The following PDE11A variants were observed in gnomAD, a reference collection of about 807,000 sequenced individuals.
PDE11A encodes the protein phosphodiesterase 11A.
Under a neutral mutation model 100.5 loss-of-function variants are expected in PDE11A, and 100 were observed. The ratio of observed to expected loss-of-function variants is 1.00; its 90% CI spans 0.85 to 1.18. PDE11A has a LOEUF of 1.18. PDE11A is among the 50% of genes most tolerant of loss of function. The probability of loss-of-function intolerance (pLI) is 0.00; values close to 1 mark genes in which losing one functional copy is unlikely to be tolerated. For synonymous variants in PDE11A, 381 were observed against 420.8 expected (o/e 0.91, Z 1.16); for missense variants, 1,141 against 1,152.6 (o/e 0.99, Z 0.15).
intron 9 of PDE11A, among the ~76,000 whole-genome samples, chr2:177,769,860 C>T (rs2082287170): frequency 7.1e-6 from 1 of 141,266 alleles, no homozygotes. Flanking sequence ...TGCACTCCAG[C>T]CTGGGCGACA....
chr2:177,921,471 C>CAA (rs370144102), intron 2 of PDE11A, among the ~76,000 whole-genome samples: 5 of 98,444 alleles, frequency 5.1e-5, no homozygotes, highest in African/African-American at 1.8e-4. Context: ...CATCTAAAAG[C>CAA]AAAAAAAAAA....
At chr2:177,881,348 T>TATCC (rs1429997450) in intron 4 of PDE11A, among the ~76,000 whole-genome samples, 1 of 145,982 alleles carries the variant, frequency 6.9e-6, no homozygotes, top group East Asian at 2.0e-4. Flanking sequence ...TCTGTCTATC[T>TATCC]ATCTATCTAT....
chr2:177,890,179 C>T (rs1558993493), intron 4 of PDE11A, among the ~76,000 whole-genome samples: 1 of 152,140 alleles, frequency 6.6e-6, no homozygotes, highest in Non-Finnish European at 1.5e-5. Context: ...ATGAATTAGC[C>T]TTCAAATATC....
In PDE11A at chr2:177,938,111, G is replaced by A. The variant is rs150454210; in HGVS notation, c.1072-32924C>T. The stretch of plus-strand genomic sequence containing the variant: ...AATTAGGATAAAAGGAAGGATGTAG[G>A]AGTGAAAGGGAAGGTTGGAAGGGAG... On this transcript the variant is annotated intron_variant, in intron 2 of 19. Coordinates refer to ENST00000286063, the MANE Select transcript of PDE11A (RefSeq NM_016953.4). 3.7e-4 allele frequency among the ~76,000 whole-genome samples: 57 copies of A among 152,306 alleles called. 1 individual carries two copies. In the East Asian group the frequency reaches 0.01, roughly 28 times the overall value.
Position 178,072,491 on chromosome 2 carries a change from C to T in PDE11A, c.-54G>A. 6.2e-7 allele frequency: 1 copy of T among 1,607,002 alleles called. No individual in the cohort carries two copies. The highest frequency in any genetic ancestry group is 8.5e-7 in the Non-Finnish European group (1 of 1,179,186). Reference sequence around the variant, plus strand: ...ACACGTGAACCAAATGTTTTCCTGCCCCGAGGCCTCTAGCTGTTCCTGCAC... The same window carrying T: ...ACACGTGAACCAAATGTTTTCCTGCTCCGAGGCCTCTAGCTGTTCCTGCAC... On this transcript the variant is annotated 5_prime_UTR_variant, in exon 1 of 20. Transcript: ENST00000286063.
intron 2 of PDE11A, among the ~76,000 whole-genome samples, chr2:177,968,631 C>A (rs1344202503): frequency 6.6e-6 from 1 of 152,054 alleles, no homozygotes; most frequent in Non-Finnish European, 1.5e-5. Context: ...TAGGATGAAC[C>A]AATTTTTCCA....
rs147683413 is a variant in PDE11A, at chr2:178,001,818, G to C, written c.1071+12484C>G. Among the ~76,000 whole-genome samples, 781 of 152,262 alleles carry C rather than the reference G, an allele frequency of 5.1e-3. 3 individuals carry two copies. The highest frequency in any genetic ancestry group is 8.6e-3 in the Non-Finnish European group (587 of 68,024). On this transcript the variant is annotated intron_variant, in intron 2 of 19. Transcript: ENST00000286063. ...ATGAAGCTTACTGAATAGAGTATAT[G>C]AACCATTTGACCCAACTTGCCCACA... is the stretch of plus-strand genomic sequence containing the variant.
At chr2:177,928,778 G>A (rs977131352) in intron 2 of PDE11A, among the ~76,000 whole-genome samples, 3 of 151,988 alleles carry the variant, frequency 2.0e-5, no homozygotes, top group Admixed American at 6.5e-5. Context: ...TGGGAGGATC[G>A]CTTGGGTGTG....
intron 15 of PDE11A, chr2:177,683,326 C>T (rs7562940): frequency 0.12 from 17,882 of 152,368 alleles, 1,306 homozygotes; most frequent in Middle Eastern, 0.2. Flanking sequence ...CCCAATTACA[C>T]AGAAGGGCCC....
At chr2:178,051,564 A>G (rs1014223821) in intron 1 of PDE11A, among the ~76,000 whole-genome samples, 6 of 152,208 alleles carry the variant, frequency 3.9e-5, no homozygotes, top group African/African-American at 1.4e-4. Flanking sequence ...AGACTGGCAA[A>G]TTGGATAAAG....
intron 5 of PDE11A, among the ~76,000 whole-genome samples, chr2:177,845,241 G>A (rs1233871162): frequency 6.6e-6 from 1 of 151,892 alleles, no homozygotes; most frequent in Non-Finnish European, 1.5e-5. Context: ...AGATGGGGTG[G>A]CTGCCGGGCG....
At chr2:177,896,052 A>C (rs2084606710) in intron 4 of PDE11A, among the ~76,000 whole-genome samples, 1 of 152,210 alleles carries the variant, frequency 6.6e-6, no homozygotes, top group South Asian at 2.1e-4. Context: ...AGAAAAGAGA[A>C]GAAATGATGA....
intron 4 of PDE11A, among the ~76,000 whole-genome samples, chr2:177,877,458 T>A (rs897257795): frequency 2.6e-5 from 4 of 152,124 alleles, no homozygotes; most frequent in Admixed American, 6.5e-5. Context: ...AGCCACCGCA[T>A]CTGGCCAAAG....
At chr2:178,082,554 C>A (rs182421492) in intron 2 of PDE11A, among the ~76,000 whole-genome samples, 19 of 152,210 alleles carry the variant, frequency 1.2e-4, no homozygotes, top group Admixed American at 9.2e-4. Context: ...GCAAAGGGAA[C>A]AGGAATTTAT....
chr2:177,748,071 T>C (rs904654480), intron 10 of PDE11A, among the ~76,000 whole-genome samples: 2 of 152,130 alleles, frequency 1.3e-5, no homozygotes, highest in Non-Finnish European at 1.5e-5. Flanking sequence ...TGGACTCTAA[T>C]TGGTAGCACT....
intron 2 of PDE11A, among the ~76,000 whole-genome samples, chr2:178,096,136 T>C (rs1481627913): frequency 1.3e-5 from 2 of 151,322 alleles, no homozygotes; most frequent in African/African-American, 4.9e-5. Context: ...CAGCTTGAAT[T>C]TCTCCCCAGA....
intron 5 of PDE11A, among the ~76,000 whole-genome samples, chr2:177,843,348 T>C (rs1378496479): frequency 6.6e-6 from 1 of 152,138 alleles, no homozygotes; most frequent in Non-Finnish European, 1.5e-5. Context: ...GAATAGTGGG[T>C]TGTCACCTAA....
Position 177,764,192 on chromosome 2 carries a change from C to CTTTAT in PDE11A, c.1788+5126_1788+5130dup, listed in dbSNP as rs1014216773. On this transcript the variant is annotated intron_variant, in intron 10 of 19. Coordinates refer to ENST00000286063, the MANE Select transcript of PDE11A (RefSeq NM_016953.4). ...CCACAAGGAGTACCTATTCTTGGTA[C>CTTTAT]TTTATTTTATTTTATTTTATTTACT... Among the ~76,000 whole-genome samples the CTTTAT allele has an allele frequency of 6.9e-4, 105 of 152,142 alleles. 1 individual carries two copies. The highest frequency in any genetic ancestry group is 2.3e-3 in the African/African-American group (96 of 41,496).
intron 2 of PDE11A, among the ~76,000 whole-genome samples, chr2:177,945,632 C>G: frequency 6.6e-6 from 1 of 150,532 alleles, no homozygotes. Flanking sequence ...GCAGCCGCCC[C>G]GTCTGGGAGG....
Sources: gnomAD v4.1 joint callset for allele counts (sites outside exome capture counted in the v4.1 genomes callset) on GRCh38, gnomAD v4.1.1 for gene constraint, MANE v1.5 for transcripts, NCBI Gene and HGNC (gene_info 2026-07-23, HGNC 2026-07-21) for gene names.